Variants in XPO7 observed in about 807,000 individuals in gnomAD.
The protein encoded by XPO7 is exportin 7.
Under a neutral mutation model 144.3 loss-of-function variants are expected in XPO7, and 21 were observed. The ratio of observed to expected loss-of-function variants is 0.15; its 90% CI spans 0.10 to 0.21. The LOEUF (loss-of-function observed/expected upper bound fraction) is 0.21. Ranked by LOEUF, XPO7 falls within the 10% of genes least tolerant of loss-of-function variation. The pLI, the probability that XPO7 is intolerant of heterozygous loss-of-function variation, is 1.00. For synonymous variants in XPO7, 580 were observed against 499.6 expected, an observed-to-expected ratio of 1.16 and a Z score of -2.15; for missense variants, 808 against 1,325.8, an observed-to-expected ratio of 0.61 and a Z score of 6.06.
chr8:21,953,617 A>G (rs1315641778), intron 1 of XPO7, among the ~76,000 whole-genome samples: 1 of 152,202 alleles, frequency 6.6e-6, no homozygotes, highest in African/African-American at 2.4e-5. Context: ...AAGTGGCTGT[A>G]CCATTTTGCA....
rs1306222013 is a variant in XPO7 at position 21,931,248 on chromosome 8, C to T, written c.18+11460C>T. Among the ~76,000 whole-genome samples the T allele has an allele frequency of 4.6e-5, 7 of 151,818 alleles. No individual in the cohort carries two copies. In the South Asian group the frequency reaches 8.3e-4, roughly 18 times the overall value. On this transcript the variant is annotated intron_variant, in intron 1 of 27. Coordinates refer to ENST00000252512, the MANE Select transcript of XPO7 (RefSeq NM_015024.5). ...CGCAGTCTTGGCTCACTGCAACCTC[C>T]GCCTCCCAGGTTCAAGTGATTCTCC...
intron 1 of XPO7, among the ~76,000 whole-genome samples, chr8:21,961,645 T>G (rs1296561136): frequency 1.3e-5 from 2 of 151,970 alleles, no homozygotes; most frequent in African/African-American, 4.8e-5. Context: ...TTTAGTCATT[T>G]TTTTCATTTT....
chr8:21,948,974 G>A (rs1811278732), intron 1 of XPO7, among the ~76,000 whole-genome samples: 2 of 152,186 alleles, frequency 1.3e-5, no homozygotes, highest in Non-Finnish European at 2.9e-5. Flanking sequence ...TCATTACCAG[G>A]AAATATGCCC....
At chr8:21,969,793 C>CGGGA (rs1811994508) in intron 3 of XPO7, 1 of 557,782 alleles carries the variant, frequency 1.8e-6, no homozygotes, top group Non-Finnish European at 3.1e-6. Flanking sequence ...CTTTTGTTAT[C>CGGGA]GGGAGATTTC....
chr8:21,954,029 A>G (rs1402270922), intron 1 of XPO7, among the ~76,000 whole-genome samples: 1 of 152,228 alleles, frequency 6.6e-6, no homozygotes, highest in Non-Finnish European at 1.5e-5. Context: ...CTAGTAACAT[A>G]TAGAAAGAAG....
Position 21,977,789 on chromosome 8 carries a change from C to T in XPO7, c.783C>T (p.Thr261=), listed in dbSNP as rs1417253874. The T allele has an allele frequency of 1.9e-6, 3 of 1,613,794 alleles. No homozygotes were observed. The highest frequency in any genetic ancestry group is 2.2e-5 in the East Asian group (1 of 44,894). ...SWRSAFLDSS[T]LQLFFDLYHS... ...CCCCAGCCTTCTTAGATTCTTCAAC[C>T]TTGCAGCTGTTTTTTGACCTGTATC... Residue 261 remains threonine (T), a synonymous_variant, in exon 8 of 28, where the codon ACC becomes ACT. Transcript: ENST00000252512.
At chr8:21,922,678 C>G (rs1405583105) in intron 1 of XPO7, among the ~76,000 whole-genome samples, 1 of 151,912 alleles carries the variant, frequency 6.6e-6, no homozygotes, top group East Asian at 1.9e-4. Flanking sequence ...AGCTGGTGTT[C>G]AGGAGCTCGA....
In XPO7 at chr8:22,004,045, T is replaced by C; in HGVS notation, c.3170+15T>C. On this transcript the variant is annotated intron_variant, in intron 27 of 27. Coordinates refer to ENST00000252512, the MANE Select transcript of XPO7 (RefSeq NM_015024.5). Reference sequence around the variant, plus strand: ...AACAGAGACAGGTGAGTATAAAGCGTCCTGCCTAGAAATCTCAGACAATTG... The same window carrying C: ...AACAGAGACAGGTGAGTATAAAGCGCCCTGCCTAGAAATCTCAGACAATTG... 1 of 1,613,388 alleles carries C rather than the reference T, an allele frequency of 6.2e-7. No individual in the cohort carries two copies. The highest frequency in any genetic ancestry group is 8.5e-7 in the Non-Finnish European group (1 of 1,179,480).
At chr8:22,003,427 A>G in intron 26 of XPO7, 110 bp downstream of exon 26, 2 of 788,638 alleles carry the variant, frequency 2.5e-6, no homozygotes, top group South Asian at 3.6e-5. Flanking sequence ...GTGGTGAAAC[A>G]GGGAAAATGG....
At chr8:21,971,779 G>A (rs1812068986) in intron 4 of XPO7, 97 bp from the exon 5 acceptor site, 2 of 918,726 alleles carry the variant, frequency 2.2e-6, no homozygotes, top group Non-Finnish European at 3.2e-6. Flanking sequence ...TTTTACTAAT[G>A]ACACAGGAAC....
chr8:21,979,910 G>C (rs886477955), intron 8 of XPO7, among the ~76,000 whole-genome samples, 174 bp from the exon 9 acceptor site: 3 of 151,806 alleles, frequency 2.0e-5, no homozygotes, highest in Non-Finnish European at 4.4e-5. Context: ...TTTCCAAACT[G>C]AATTTAATGG....
rs1585489389 is a variant in XPO7 at position 22,004,155 on chromosome 8, A to G, written c.3170+125A>G. On this transcript the variant is annotated intron_variant, in intron 27 of 27. Coordinates refer to ENST00000252512, the MANE Select transcript of XPO7 (RefSeq NM_015024.5). ...AGGCCATCTAAAGCAATGCAATGCA[A>G]TAGAAAAGTGAGCCATGTTAAACAG... The G allele has an allele frequency of 4.9e-6, 6 of 1,215,550 alleles. No homozygotes were observed. The East Asian group carries it at 1.0e-4, about 21-fold the overall frequency. 75.3% of individuals were successfully genotyped at this position (1,215,550 alleles called of 1,614,324 possible). A position where few individuals can be genotyped will look rare whatever the true frequency, so the allele number is the denominator to read the frequency against.
At chr8:21,998,076 G>T (rs1783908283) in intron 21 of XPO7, among the ~76,000 whole-genome samples, 1 of 152,208 alleles carries the variant, frequency 6.6e-6, no homozygotes, top group South Asian at 2.1e-4. Flanking sequence ...TGCCACTGAA[G>T]CCATAAAGGT....
Position 22,005,431 on chromosome 8 carries a change from A to G in XPO7, c.*343A>G, listed in dbSNP as rs1366082894. ...CTTGTATAAACATGTACATTTTTTC[A>G]TAACATTTTGAACAAGGTTTATATT... On this transcript the variant is annotated 3_prime_UTR_variant, in exon 28 of 28. Coordinates refer to ENST00000252512, the MANE Select transcript of XPO7 (RefSeq NM_015024.5). 1.1e-5 allele frequency: 2 copies of G among 180,438 alleles called. No individual in the cohort carries two copies. The highest frequency in any genetic ancestry group is 2.3e-5 in the Non-Finnish European group (2 of 86,642). 11.2% of individuals were successfully genotyped at this position (180,438 alleles called of 1,614,324 possible). A position where few individuals can be genotyped will look rare whatever the true frequency, so the allele number is the denominator to read the frequency against.
chr8:21,938,000 T>G (rs1810875331), intron 1 of XPO7, among the ~76,000 whole-genome samples: 1 of 152,228 alleles, frequency 6.6e-6, no homozygotes, highest in Non-Finnish European at 1.5e-5. Flanking sequence ...TTTTCAAACT[T>G]TCTGCATATA....
rs145901535 is a variant in XPO7 at position 21,965,208 on chromosome 8, C to T, written c.19-1649C>T. Among the ~76,000 whole-genome samples the T allele has an allele frequency of 1.6e-4, 24 of 151,570 alleles. No homozygotes were observed. In the East Asian group the frequency reaches 4.1e-3, roughly 26 times the overall value. On this transcript the variant is annotated intron_variant, in intron 1 of 27. Coordinates refer to ENST00000252512, the MANE Select transcript of XPO7 (RefSeq NM_015024.5). ...AATAGATTTCAATGTTGAAACAAAA[C>T]CTTGTGAAGGAGATTTAATGCCTTG...
chr8:21,933,615 ATAT>A (rs1354566385), intron 1 of XPO7, among the ~76,000 whole-genome samples: 3 of 152,062 alleles, frequency 2.0e-5, no homozygotes, highest in Non-Finnish European at 1.5e-5. Context: ...AACATTTTTT[ATAT>A]TATATTTTAT....
chr8:21,956,451 A>G (rs11135763), intron 1 of XPO7, among the ~76,000 whole-genome samples: 55,472 of 152,060 alleles, frequency 0.36, 10,590 homozygotes, highest in Non-Finnish European at 0.42. Flanking sequence ...CATTCTGGCA[A>G]CTGATGTTTT....
intron 12 of XPO7, 116 bp from the exon 13 acceptor site, chr8:21,985,470 A>G: frequency 2.0e-6 from 2 of 982,782 alleles, no homozygotes; most frequent in Non-Finnish European, 3.2e-6. Context: ...TCTCTGTAAG[A>G]AAAGTAAGAC....
Sources: gnomAD v4.1 joint callset for allele counts (sites outside exome capture counted in the v4.1 genomes callset) on GRCh38, gnomAD v4.1.1 for gene constraint, MANE v1.5 for transcripts, NCBI Gene and HGNC (gene_info 2026-07-23, HGNC 2026-07-21) for gene names.